L3MBTL4: variants seen among roughly 807,000 people sequenced by gnomAD.
L3MBTL4 encodes lethal(3)malignant brain tumor-like protein 4.
Under a neutral mutation model 84.5 loss-of-function variants are expected in L3MBTL4, and 70 were observed. That is an observed-to-expected ratio of 0.83 (90% CI 0.68 to 1.01). The LOEUF is 1.01. L3MBTL4 is among the 50% of genes least tolerant of loss of function. The pLI is 0.00. For missense variants in L3MBTL4, 715 were observed against 754.8 expected, an observed-to-expected ratio of 0.95 and a Z score of 0.62; for synonymous variants, 274 against 259.8, an observed-to-expected ratio of 1.05 and a Z score of -0.52.
chr18:6,156,825 T>C (rs993379123), intron 13 of L3MBTL4, among the ~76,000 whole-genome samples: 2 of 152,344 alleles, frequency 1.3e-5, no homozygotes, highest in South Asian at 2.1e-4. Flanking sequence ...TGATGGTCTG[T>C]ACATGTGATG....
chr18:6,036,782 T>C (rs1002536024), intron 16 of L3MBTL4, among the ~76,000 whole-genome samples: 1 of 152,198 alleles, frequency 6.6e-6, no homozygotes, highest in African/African-American at 2.4e-5. Flanking sequence ...TTAAAATTGT[T>C]GTTGTTTGAT....
intron 13 of L3MBTL4, among the ~76,000 whole-genome samples, chr18:6,142,612 G>C (rs1222110530): frequency 6.6e-6 from 1 of 152,150 alleles, no homozygotes; most frequent in Non-Finnish European, 1.5e-5. Context: ...ACGAATCAGA[G>C]GAAGTGATGT....
chr18:6,265,760 A>G (rs187340334), intron 4 of L3MBTL4, among the ~76,000 whole-genome samples: 2 of 152,324 alleles, frequency 1.3e-5, no homozygotes, highest in Non-Finnish European at 1.5e-5. Context: ...GCAATAAAAA[A>G]AAGTCAAACT....
intron 16 of L3MBTL4, among the ~76,000 whole-genome samples, chr18:6,042,845 C>T (rs1340486704): frequency 2.6e-5 from 4 of 152,188 alleles, no homozygotes; most frequent in African/African-American, 7.2e-5. Context: ...CCCGCTCAAA[C>T]CTCACTTCAG....
chr18:6,085,279 C>T (rs1172812571), intron 15 of L3MBTL4, among the ~76,000 whole-genome samples: 1 of 152,080 alleles, frequency 6.6e-6, no homozygotes, highest in Admixed American at 6.5e-5. Context: ...TATGCCTACA[C>T]CATGGAATAC....
chr18:6,365,513 A>G (rs2053897112), intron 1 of L3MBTL4, among the ~76,000 whole-genome samples: 1 of 152,230 alleles, frequency 6.6e-6, no homozygotes, highest in South Asian at 2.1e-4. Flanking sequence ...GAAAACAGAC[A>G]TTTTAGCCAT....
chr18:6,118,549 T>G (rs755644151), intron 14 of L3MBTL4, among the ~76,000 whole-genome samples: 1 of 152,048 alleles, frequency 6.6e-6, no homozygotes, highest in Non-Finnish European at 1.5e-5. Flanking sequence ...GCTTGTTCAG[T>G]GAAAGAAAAA....
intron 16 of L3MBTL4, among the ~76,000 whole-genome samples, chr18:6,070,057 C>A (rs990385512): frequency 6.6e-6 from 1 of 151,988 alleles, no homozygotes; most frequent in African/African-American, 2.4e-5. Context: ...GAAAAGAGCT[C>A]TTAAGACATA....
intron 16 of L3MBTL4, among the ~76,000 whole-genome samples, chr18:6,053,787 T>C (rs2056919703): frequency 6.6e-6 from 1 of 152,192 alleles, no homozygotes; most frequent in African/African-American, 2.4e-5. Flanking sequence ...TCTCCCTCTG[T>C]TGTTATTTTA....
intron 16 of L3MBTL4, among the ~76,000 whole-genome samples, chr18:5,996,988 G>GTGGGCCTCACTGAC (rs2145213388): frequency 1.5e-4 from 22 of 142,166 alleles, no homozygotes; most frequent in African/African-American, 6.9e-4. Flanking sequence ...GTGCATTTTA[G>GTGGGCCTCACTGAC]AAGCACAATT....
At chr18:6,191,665 C>A (rs959472030) in intron 12 of L3MBTL4, among the ~76,000 whole-genome samples, 6 of 152,100 alleles carry the variant, frequency 3.9e-5, no homozygotes, top group Non-Finnish European at 8.8e-5. Context: ...GAGCAGAGGT[C>A]CAGTGACGAG....
chr18:6,139,422 T>C (rs1272757873), intron 13 of L3MBTL4, among the ~76,000 whole-genome samples: 1 of 152,032 alleles, frequency 6.6e-6, no homozygotes, highest in Non-Finnish European at 1.5e-5. Flanking sequence ...TACATCTCAA[T>C]ATTATCAGTA....
At chr18:6,207,288 C>T (rs1234276354) in intron 12 of L3MBTL4, among the ~76,000 whole-genome samples, 1 of 152,200 alleles carries the variant, frequency 6.6e-6, no homozygotes, top group East Asian at 1.9e-4. Context: ...AAGGCACTGC[C>T]ACCTGGTTTA....
intron 16 of L3MBTL4, among the ~76,000 whole-genome samples, chr18:5,982,964 G>A (rs1016345881): frequency 6.6e-6 from 1 of 152,182 alleles, no homozygotes; most frequent in African/African-American, 2.4e-5. Flanking sequence ...CAACCGAGGG[G>A]CAATTGAGGA....
intron 12 of L3MBTL4, among the ~76,000 whole-genome samples, chr18:6,198,379 T>G (rs2045501342): frequency 6.6e-6 from 1 of 152,290 alleles, no homozygotes; most frequent in Admixed American, 6.5e-5. Context: ...ACCCAGAAAT[T>G]CTGTACCACT....
chr18:6,018,591 T>C (rs183162465), intron 16 of L3MBTL4, among the ~76,000 whole-genome samples: 1 of 152,352 alleles, frequency 6.6e-6, no homozygotes, highest in Non-Finnish European at 1.5e-5. Context: ...TACTGTGTGA[T>C]TCCTTAAATG....
intron 16 of L3MBTL4, among the ~76,000 whole-genome samples, chr18:5,990,625 C>T (rs776044250): frequency 6.6e-6 from 1 of 152,126 alleles, no homozygotes; most frequent in Non-Finnish European, 1.5e-5. Context: ...TGCTTATGTG[C>T]GTGGATAGTA....
At chr18:6,405,670 G>C (rs1286083856) in intron 1 of L3MBTL4, among the ~76,000 whole-genome samples, 1 of 152,152 alleles carries the variant, frequency 6.6e-6, no homozygotes, top group African/African-American at 2.4e-5. Context: ...CTGGGCCCGA[G>C]GGCCCCCTAA....
intron 1 of L3MBTL4, among the ~76,000 whole-genome samples, chr18:6,406,691 C>A (rs2055749921): frequency 6.6e-6 from 1 of 152,148 alleles, no homozygotes; most frequent in Non-Finnish European, 1.5e-5. Flanking sequence ...TGCTTACCAT[C>A]CTACCAGGCA....
Sources: allele counts gnomAD v4.1 joint callset (sites outside exome capture counted in the v4.1 genomes callset), GRCh38; gene constraint gnomAD v4.1.1; transcripts MANE v1.5; gene names NCBI Gene and HGNC (gene_info 2026-07-23, HGNC 2026-07-21).